The following GNB1 variants were observed in gnomAD, a reference collection of about 807,000 sequenced individuals.
The protein encoded by GNB1 is guanine nucleotide-binding protein G(I)/G(S)/G(T) subunit beta-1.
GNB1 carries 2 observed loss-of-function variants against 42.9 expected under a neutral mutation model. That is an observed-to-expected ratio of 0.05 (90% CI 0.02 to 0.15). GNB1 has a LOEUF of 0.15. Among genes scored for constraint, GNB1 ranks in the 10% least tolerant of loss-of-function variants. The pLI, the probability that GNB1 is intolerant of heterozygous loss-of-function variation, is 1.00. For missense variants in GNB1, 193 were observed against 462.2 expected (o/e 0.42, Z 5.34); for synonymous variants, 183 against 174.7 (o/e 1.05, Z -0.38).
chr1:1,821,805 A>T (rs1646933699), intron 3 of GNB1, among the ~76,000 whole-genome samples: 1 of 152,236 alleles, frequency 6.6e-6, no homozygotes, highest in Non-Finnish European at 1.5e-5. Flanking sequence ...TATTAATTAC[A>T]CATTGCATAA....
intron 7 of GNB1, among the ~76,000 whole-genome samples, chr1:1,795,005 T>C (rs1048916505): frequency 6.6e-6 from 1 of 152,198 alleles, no homozygotes; most frequent in African/African-American, 2.4e-5. Flanking sequence ...ATTATTAAAC[T>C]GGCTCTGACA....
At chr1:1,887,687 C>G (rs1650231710) in intron 1 of GNB1, among the ~76,000 whole-genome samples, 1 of 152,236 alleles carries the variant, frequency 6.6e-6, no homozygotes, top group Admixed American at 6.5e-5. Context: ...ACAATCTCGG[C>G]TCACCGCAAC....
At chr1:1,885,549 A>ATTTTT (rs1380160228) in intron 1 of GNB1, among the ~76,000 whole-genome samples, 6 of 140,626 alleles carry the variant, frequency 4.3e-5, no homozygotes, top group African/African-American at 1.3e-4. Context: ...CTTCCACTTA[A>ATTTTT]TCTTTTTTTT....
chr1:1,811,300 C>A (rs1646775464), intron 5 of GNB1, among the ~76,000 whole-genome samples: 1 of 151,926 alleles, frequency 6.6e-6, no homozygotes, highest in South Asian at 2.1e-4. Flanking sequence ...GTCAGCCAGG[C>A]TGGTCTCGAA....
Position 1,785,791 on chromosome 1 carries a change from T to G in GNB1, c.*1272A>C. 1.1e-5 allele frequency: 4 copies of G among 351,952 alleles called. No homozygotes were observed. Among genetic ancestry groups the G allele is most frequent in the Non-Finnish European group, 1.0e-5 (2 of 197,582 alleles). 21.8% of individuals were successfully genotyped at this position (351,952 alleles called of 1,614,324 possible). Reference sequence around the variant, plus strand: ...CACCCTCAGAATCCAACAGCAGTCGTTTGCAACAGAACTTTTTTTTTTTTA... The same window carrying G: ...CACCCTCAGAATCCAACAGCAGTCGGTTGCAACAGAACTTTTTTTTTTTTA... On this transcript the variant is annotated 3_prime_UTR_variant, in exon 12 of 12. Coordinates refer to ENST00000378609, the MANE Select transcript of GNB1 (RefSeq NM_002074.5).
In GNB1 at chr1:1,794,967, C is replaced by A. The variant is rs148763074; in HGVS notation, c.431-1656G>T. Among the ~76,000 whole-genome samples, 173 of 152,292 alleles carry A rather than the reference C, an allele frequency of 1.1e-3. 1 individual carries two copies. The East Asian group carries it at 0.024, about 21-fold the overall frequency. On this transcript the variant is annotated intron_variant, in intron 7 of 11. Transcript: ENST00000378609. ...CTTCCCAAAGTGCTAGGATTACAGG[C>A]GTGAGCCACCATGCCTGGCCAACAA...
rs564523212 is a variant in GNB1 at position 1,816,005 on chromosome 1, T to C, written c.97-143A>G. ...CACAGTTCTCCAGTGGCTTCCACTG[T>C]GGCATTCTGCACTGAACCCCTTCCG... On this transcript the variant is annotated intron_variant, in intron 4 of 11. Coordinates refer to ENST00000378609, the MANE Select transcript of GNB1 (RefSeq NM_002074.5). 74 of 652,874 alleles carry C rather than the reference T, an allele frequency of 1.1e-4. No individual in the cohort carries two copies. The African/African-American group carries it at 1.3e-3, about 11-fold the overall frequency. The allele number at this position is 652,874 out of a possible 1,614,324, so 40.4% of individuals were successfully genotyped here.
chr1:1,835,734 C>A (rs938408756), intron 2 of GNB1, among the ~76,000 whole-genome samples: 1 of 151,840 alleles, frequency 6.6e-6, no homozygotes, highest in Admixed American at 6.6e-5. Context: ...AGATTCCTAG[C>A]GGTGGAATGG....
intron 1 of GNB1, among the ~76,000 whole-genome samples, chr1:1,858,224 G>C (rs757038282): frequency 3.3e-5 from 5 of 152,208 alleles, no homozygotes; most frequent in Non-Finnish European, 5.9e-5. Flanking sequence ...GCCATGGCCA[G>C]AATCATGGAA....
intron 5 of GNB1, among the ~76,000 whole-genome samples, chr1:1,808,573 G>A (rs1168148612): frequency 1.3e-5 from 2 of 152,134 alleles, no homozygotes; most frequent in Non-Finnish European, 2.9e-5. Context: ...CTGTCAGTAC[G>A]GTAAATGATA....
intron 2 of GNB1, among the ~76,000 whole-genome samples, chr1:1,838,064 G>A (rs1285815080): frequency 2.0e-5 from 3 of 152,038 alleles, no homozygotes; most frequent in Non-Finnish European, 2.9e-5. Context: ...TTAGCTGGGT[G>A]TGGTGGTGAG....
chr1:1,877,591 G>A (rs1649621172), intron 1 of GNB1, among the ~76,000 whole-genome samples: 2 of 151,990 alleles, frequency 1.3e-5, no homozygotes, highest in South Asian at 2.1e-4. Flanking sequence ...TCCTGCCTCA[G>A]CCTCCCAAAG....
At chr1:1,884,156 A>C (rs1048753632) in intron 1 of GNB1, among the ~76,000 whole-genome samples, 3 of 138,458 alleles carry the variant, frequency 2.2e-5, no homozygotes, top group African/African-American at 8.2e-5. Context: ...TTTGAGATGG[A>C]GTTTCCTTCT....
At chr1:1,884,253 C>T (rs940956857) in intron 1 of GNB1, among the ~76,000 whole-genome samples, 1 of 152,006 alleles carries the variant, frequency 6.6e-6, no homozygotes, top group Non-Finnish European at 1.5e-5. Flanking sequence ...GCATGCATCA[C>T]CATGCCTGGG....
intron 2 of GNB1, among the ~76,000 whole-genome samples, chr1:1,837,911 C>T (rs116128984): frequency 0.014 from 2,119 of 151,966 alleles, 47 homozygotes; most frequent in African/African-American, 0.048. Context: ...GTAAGAATAT[C>T]CAATTGACTA....
chr1:1,786,236 C>G lies in GNB1; in HGVS notation c.*827G>C. 1 of 395,516 alleles carries G rather than the reference C, an allele frequency of 2.5e-6. No homozygotes were observed. Among genetic ancestry groups the G allele is most frequent in the East Asian group, 3.6e-5 (1 of 27,938 alleles). The allele number at this position is 395,516 out of a possible 1,614,324, so 24.5% of individuals were successfully genotyped here. ...TAGTGTTAGGCTATTATAAACTTCC[C>G]TCCAACTTCACAAGGAAACCCAAAG... On this transcript the variant is annotated 3_prime_UTR_variant, in exon 12 of 12. Coordinates refer to ENST00000378609, the MANE Select transcript of GNB1 (RefSeq NM_002074.5).
intron 1 of GNB1, among the ~76,000 whole-genome samples, chr1:1,887,667 G>A (rs192300011): frequency 1.3e-5 from 2 of 152,330 alleles, no homozygotes; most frequent in Non-Finnish European, 2.9e-5. Context: ...TCACTCTGTC[G>A]CCCAGTGGCA....
intron 1 of GNB1, among the ~76,000 whole-genome samples, chr1:1,860,580 C>T (rs1301737276): frequency 2.7e-5 from 4 of 147,908 alleles, no homozygotes; most frequent in South Asian, 4.3e-4. Context: ...GAGCTTGCAG[C>T]GAGCCGAGAT....
At chr1:1,885,750 G>A (rs1339426182) in intron 1 of GNB1, among the ~76,000 whole-genome samples, 1 of 150,416 alleles carries the variant, frequency 6.6e-6, no homozygotes, top group Non-Finnish European at 1.5e-5. Flanking sequence ...AGTAGCAATG[G>A]GGTTTCACCG....
Sources: allele counts gnomAD v4.1 joint callset (sites outside exome capture counted in the v4.1 genomes callset), GRCh38; gene constraint gnomAD v4.1.1; transcripts MANE v1.5; gene names NCBI Gene and HGNC (gene_info 2026-07-23, HGNC 2026-07-21).